The following CGGBP1 variants were observed in gnomAD, a reference collection of about 807,000 sequenced individuals.
CGGBP1 encodes the protein CGG triplet repeat binding protein 1.
In CGGBP1, 4 loss-of-function variants were observed where a neutral mutation model predicts 11.4. The observed-to-expected ratio is 0.35, with a 90% CI of 0.17 to 0.80. CGGBP1 has a LOEUF of 0.80. Ranked by LOEUF, CGGBP1 falls within the 30% of genes least tolerant of loss-of-function variation. The probability of loss-of-function intolerance (pLI) is 0.52; values close to 1 mark genes in which losing one functional copy is unlikely to be tolerated. For synonymous variants in CGGBP1, 76 were observed against 74.1 expected, an observed-to-expected ratio of 1.03 and a Z score of -0.13; for missense variants, 135 against 202.1, an observed-to-expected ratio of 0.67 and a Z score of 2.01.
chr3:88,119,488 A>G (rs1483934265), intron 2 of CGGBP1, among the ~76,000 whole-genome samples: 1 of 150,522 alleles, frequency 6.6e-6, no homozygotes, highest in East Asian at 2.0e-4. Flanking sequence ...ACATGTATAC[A>G]TATGTAACTA....
At chr3:88,138,597 C>A in intron 2 of CGGBP1, 1 of 591,244 alleles carries the variant, frequency 1.7e-6, no homozygotes, top group Non-Finnish European at 2.5e-6. Flanking sequence ...CATTGGAATA[C>A]TATGTTTATT....
At chr3:88,093,691 G>A (rs1703881723) in intron 2 of CGGBP1, among the ~76,000 whole-genome samples, 1 of 152,162 alleles carries the variant, frequency 6.6e-6, no homozygotes, top group Non-Finnish European at 1.5e-5. Flanking sequence ...TTGCTAAATT[G>A]TACTGTATTT....
At chr3:88,104,146 G>C (rs1704600263) in intron 2 of CGGBP1, among the ~76,000 whole-genome samples, 1 of 152,122 alleles carries the variant, frequency 6.6e-6, no homozygotes, top group Non-Finnish European at 1.5e-5. Flanking sequence ...TGGCAGGCCT[G>C]AACTACAGAA....
chr3:88,104,691 C>G (rs942931192), intron 2 of CGGBP1, among the ~76,000 whole-genome samples: 15 of 152,128 alleles, frequency 9.9e-5, no homozygotes, highest in African/African-American at 3.6e-4. Flanking sequence ...CCGCTAAAAA[C>G]AGGTGAATGT....
chr3:88,146,497 A>T (rs561217268), intron 1 of CGGBP1, among the ~76,000 whole-genome samples: 3 of 152,258 alleles, frequency 2.0e-5, no homozygotes, highest in African/African-American at 7.2e-5. Flanking sequence ...ACCAGAACAG[A>T]ATTTGATGGA....
chr3:88,067,222 C>T (rs1274039352), intron 2 of CGGBP1, among the ~76,000 whole-genome samples: 3 of 152,136 alleles, frequency 2.0e-5, no homozygotes, highest in Non-Finnish European at 2.9e-5. Flanking sequence ...AGAAAAGATA[C>T]GCAATACTAT....
At chr3:88,092,144 A>G (rs374932190) in intron 2 of CGGBP1, among the ~76,000 whole-genome samples, 5 of 152,310 alleles carry the variant, frequency 3.3e-5, no homozygotes, top group African/African-American at 1.2e-4. Flanking sequence ...ATACCAGAAG[A>G]AAAATGGGGA....
chr3:88,096,996 A>G (rs1704102898), intron 2 of CGGBP1, among the ~76,000 whole-genome samples: 1 of 152,176 alleles, frequency 6.6e-6, no homozygotes, highest in Non-Finnish European at 1.5e-5. Context: ...CAGCATAGAA[A>G]GAACACTGGT....
intron 2 of CGGBP1, chr3:88,113,090 A>G (rs538764016): frequency 1.4e-6 from 2 of 1,465,608 alleles, no homozygotes; most frequent in South Asian, 1.2e-5. Flanking sequence ...AGAAGCAATG[A>G]AAGTTATTCA....
At chr3:88,067,731 T>C (rs540220392) in intron 2 of CGGBP1, among the ~76,000 whole-genome samples, 1 of 152,246 alleles carries the variant, frequency 6.6e-6, no homozygotes, top group African/African-American at 2.4e-5. Flanking sequence ...CAGAGCTGTT[T>C]TGGTGTAGTG....
At chr3:88,109,685 A>T (rs1704973398) in intron 2 of CGGBP1, among the ~76,000 whole-genome samples, 1 of 152,156 alleles carries the variant, frequency 6.6e-6, no homozygotes, top group Non-Finnish European at 1.5e-5. Context: ...GGGAACTGTA[A>T]ATCATTTTGT....
At chr3:88,146,442 G>GT (rs1404578938) in intron 1 of CGGBP1, among the ~76,000 whole-genome samples, 1 of 152,142 alleles carries the variant, frequency 6.6e-6, no homozygotes, top group African/African-American at 2.4e-5. Context: ...AATTGGGAGG[G>GT]TTTTTTGTTG....
intron 2 of CGGBP1, among the ~76,000 whole-genome samples, chr3:88,072,696 A>G (rs919496355): frequency 6.6e-6 from 1 of 152,148 alleles, no homozygotes; most frequent in African/African-American, 2.4e-5. Context: ...TATTAATATT[A>G]TATTTAAAGG....
At chr3:88,074,093 T>A (rs538620254) in intron 2 of CGGBP1, among the ~76,000 whole-genome samples, 25 of 152,178 alleles carry the variant, frequency 1.6e-4, no homozygotes, top group Non-Finnish European at 2.4e-4. Flanking sequence ...CCAGATTTGA[T>A]CATTTGTCTC....
At chr3:88,133,645 G>C (rs1706596102) in intron 2 of CGGBP1, among the ~76,000 whole-genome samples, 1 of 152,080 alleles carries the variant, frequency 6.6e-6, no homozygotes, top group Non-Finnish European at 1.5e-5. Flanking sequence ...TGAGAGTTAG[G>C]AGTTCCTGAG....
chr3:88,126,182 G>A, intron 2 of CGGBP1: 1 of 1,525,998 alleles, frequency 6.6e-7, no homozygotes, highest in Non-Finnish European at 8.8e-7. Context: ...TCTGGAACTG[G>A]TGACTCGAAT....
At chr3:88,128,537 A>G (rs1434304035) in intron 2 of CGGBP1, among the ~76,000 whole-genome samples, 5 of 152,016 alleles carry the variant, frequency 3.3e-5, no homozygotes, top group Admixed American at 3.3e-4. Context: ...GAAAGAAGAA[A>G]AAAAATTTTT....
At chr3:88,060,580 A>G (rs1471761081), upstream of CGGBP1, among the ~76,000 whole-genome samples, 2 of 152,206 alleles carry the variant, frequency 1.3e-5, no homozygotes, top group Non-Finnish European at 1.5e-5. Context: ...ATCTCCTGGC[A>G]GAAATTATTA....
chr3:88,111,151 G>C (rs1474263460), intron 2 of CGGBP1, among the ~76,000 whole-genome samples: 1 of 152,020 alleles, frequency 6.6e-6, no homozygotes, highest in Non-Finnish European at 1.5e-5. Context: ...TTAAAGATGA[G>C]ATAGATGTGA....
Sources: gnomAD v4.1 joint callset for allele counts (sites outside exome capture counted in the v4.1 genomes callset) on GRCh38, gnomAD v4.1.1 for gene constraint, MANE v1.5 for transcripts, NCBI Gene and HGNC (gene_info 2026-07-23, HGNC 2026-07-21) for gene names.